KCNB2: variants seen among roughly 807,000 people sequenced by gnomAD.
The protein encoded by KCNB2 is potassium voltage-gated channel subfamily B member 2.
In KCNB2, 15 loss-of-function variants were observed where a neutral mutation model predicts 61.5. The ratio of observed to expected loss-of-function variants is 0.24; its 90% confidence interval spans 0.16 to 0.38. The LOEUF is 0.38. Ranked by LOEUF, KCNB2 falls within the 10% of genes least tolerant of loss-of-function variation. The probability of loss-of-function intolerance (pLI) is 1.00; values close to 1 mark genes in which losing one functional copy is unlikely to be tolerated. For synonymous variants in KCNB2, 457 were observed against 446.0 expected (o/e 1.02, Z -0.31); for missense variants, 828 against 1,125.2 (o/e 0.74, Z 3.78).
At chr8:72,771,597 G>A (rs1221651244) in intron 2 of KCNB2, among the ~76,000 whole-genome samples, 1 of 152,018 alleles carries the variant, frequency 6.6e-6, no homozygotes, top group African/African-American at 2.4e-5. Flanking sequence ...TTGAGAAGGG[G>A]AATTTTAGGT....
rs969027860 is a variant in KCNB2, at chr8:72,602,978, G to A, written c.579+34665G>A. Among the ~76,000 whole-genome samples the A allele has an allele frequency of 8.7e-5, 13 of 149,754 alleles. No individual in the cohort carries two copies. In the South Asian group the frequency reaches 1.3e-3, roughly 15 times the overall value. On this transcript the variant is annotated intron_variant, in intron 2 of 2. Transcript: ENST00000523207. ...AAAAAAAAAAAAAGGCGGCATGCCC[G>A]CTGATGTATACAAACCTAATGTACA...
intron 2 of KCNB2, among the ~76,000 whole-genome samples, chr8:72,810,815 G>T (rs996264631): frequency 1.1e-4 from 16 of 152,174 alleles, no homozygotes; most frequent in Non-Finnish European, 2.2e-4. Context: ...CAGAGGAAAA[G>T]CATCCTTAAC....
At chr8:72,907,913 C>A (rs1054713896) in intron 2 of KCNB2, among the ~76,000 whole-genome samples, 2 of 152,026 alleles carry the variant, frequency 1.3e-5, no homozygotes, top group African/African-American at 2.4e-5. Context: ...TTATTTTTTC[C>A]TTTTTGAGTT....
At chr8:72,823,034 C>T (rs1449340140) in intron 2 of KCNB2, among the ~76,000 whole-genome samples, 4 of 152,000 alleles carry the variant, frequency 2.6e-5, no homozygotes, top group African/African-American at 9.7e-5. Flanking sequence ...TAGTGCCCAG[C>T]CTTCCCTGGC....
At chr8:72,925,578 C>T (rs1806623953) in intron 2 of KCNB2, among the ~76,000 whole-genome samples, 1 of 152,046 alleles carries the variant, frequency 6.6e-6, no homozygotes, top group African/African-American at 2.4e-5. Flanking sequence ...AAATGCAAAT[C>T]AAAACCACAA....
intron 2 of KCNB2, among the ~76,000 whole-genome samples, chr8:72,883,176 G>A (rs1390511611): frequency 6.6e-6 from 1 of 152,118 alleles, no homozygotes; most frequent in Non-Finnish European, 1.5e-5. Flanking sequence ...GGTTTACAAA[G>A]CACAAAAATG....
At position 72,646,362 on chromosome 8, in the gene KCNB2, A is replaced by T. The variant is rs148935002; in HGVS notation, c.579+78049A>T. ...AGACATATTTTTTTCTAAAGTTCTT[A>T]TATCTTGTGGGTGAATATAGTGATT... On this transcript the variant is annotated intron_variant, in intron 2 of 2. Coordinates refer to ENST00000523207, the MANE Select transcript of KCNB2 (RefSeq NM_004770.3). Among the ~76,000 whole-genome samples, 125 of 152,218 alleles carry T rather than the reference A, an allele frequency of 8.2e-4. 2 individuals carry two copies. The East Asian group carries it at 0.019, about 23-fold the overall frequency.
At chr8:72,898,911 T>C (rs1277376504) in intron 2 of KCNB2, among the ~76,000 whole-genome samples, 1 of 152,198 alleles carries the variant, frequency 6.6e-6, no homozygotes, top group Non-Finnish European at 1.5e-5. Flanking sequence ...TTCCATTTCC[T>C]GCTTTATTTG....
At chr8:72,906,223 C>A (rs1806174071) in intron 2 of KCNB2, among the ~76,000 whole-genome samples, 1 of 152,168 alleles carries the variant, frequency 6.6e-6, no homozygotes, top group Non-Finnish European at 1.5e-5. Context: ...CTCTTTTCCA[C>A]TAAAAACAAT....
chr8:72,646,770 T>G (rs371897286), intron 2 of KCNB2, among the ~76,000 whole-genome samples: 12 of 152,116 alleles, frequency 7.9e-5, no homozygotes, highest in African/African-American at 2.7e-4. Flanking sequence ...ATGAGGTGTT[T>G]GAGAAATTCA....
chr8:72,855,277 A>G (rs1236593090), intron 2 of KCNB2, among the ~76,000 whole-genome samples: 1 of 152,242 alleles, frequency 6.6e-6, no homozygotes, highest in East Asian at 1.9e-4. Flanking sequence ...GGTTTTGCAT[A>G]GAGAGATCTT....
intron 2 of KCNB2, among the ~76,000 whole-genome samples, chr8:72,604,429 T>C (rs913081769): frequency 6.6e-6 from 1 of 152,212 alleles, no homozygotes; most frequent in Non-Finnish European, 1.5e-5. Context: ...GTTTGGGATG[T>C]GGCATTTAAG....
At chr8:72,596,975 A>C (rs1280315587) in intron 2 of KCNB2, among the ~76,000 whole-genome samples, 3 of 139,298 alleles carry the variant, frequency 2.2e-5, no homozygotes, top group Non-Finnish European at 4.5e-5. Context: ...ACAGCCAACC[A>C]GCATGCTTGC....
At chr8:72,743,906 T>C (rs551310550) in intron 2 of KCNB2, among the ~76,000 whole-genome samples, 1 of 152,212 alleles carries the variant, frequency 6.6e-6, no homozygotes, top group South Asian at 2.1e-4. Flanking sequence ...TAAGATGGCC[T>C]TATATTTCAT....
chr8:72,727,688 A>C (rs1433429492), intron 2 of KCNB2, among the ~76,000 whole-genome samples: 1 of 152,202 alleles, frequency 6.6e-6, no homozygotes, highest in Non-Finnish European at 1.5e-5. Flanking sequence ...AATTACATGG[A>C]CTTCCTGTGA....
intron 2 of KCNB2, among the ~76,000 whole-genome samples, chr8:72,587,686 A>T (rs1489308005): frequency 6.6e-6 from 1 of 152,122 alleles, no homozygotes; most frequent in Admixed American, 6.6e-5. Context: ...AGTCATCATG[A>T]TCACACCACT....
chr8:72,930,212 G>T (rs1439364453), intron 2 of KCNB2, among the ~76,000 whole-genome samples: 3 of 151,598 alleles, frequency 2.0e-5, no homozygotes, highest in African/African-American at 4.8e-5. Context: ...TTGGACATTT[G>T]GGTTGGTTCC....
At chr8:72,884,488 T>A (rs1359859296) in intron 2 of KCNB2, among the ~76,000 whole-genome samples, 1 of 152,180 alleles carries the variant, frequency 6.6e-6, no homozygotes, top group Admixed American at 6.6e-5. Flanking sequence ...CCTTGCTTTA[T>A]GGCTTATGCT....
At chr8:72,887,635 C>T (rs1805828313) in intron 2 of KCNB2, among the ~76,000 whole-genome samples, 4 of 152,204 alleles carry the variant, frequency 2.6e-5, no homozygotes, top group Admixed American at 2.0e-4. Context: ...AGGCTTCCTT[C>T]CAAGGCAAAC....
Sources: allele counts gnomAD v4.1 joint callset (sites outside exome capture counted in the v4.1 genomes callset), GRCh38; gene constraint gnomAD v4.1.1; transcripts MANE v1.5; gene names NCBI Gene and HGNC (gene_info 2026-07-23, HGNC 2026-07-21).